Variants in CPPED1 observed in about 807,000 individuals in gnomAD.
CPPED1 encodes serine/threonine-protein phosphatase CPPED1.
CPPED1 carries 28 observed loss-of-function variants against 28.0 expected under a neutral mutation model. That is an observed-to-expected ratio of 1.00 (90% confidence interval 0.74 to 1.37). CPPED1 has a LOEUF of 1.37. CPPED1 is among the 40% of genes most tolerant of loss of function. The pLI is 0.00. For synonymous variants in CPPED1, 198 were observed against 180.2 expected (o/e 1.10, Z -0.79); for missense variants, 504 against 416.5 (o/e 1.21, Z -1.83).
At chr16:12,790,687 G>A (rs1002451432) in intron 1 of CPPED1, among the ~76,000 whole-genome samples, 2 of 152,072 alleles carry the variant, frequency 1.3e-5, no homozygotes, top group Non-Finnish European at 1.5e-5. Context: ...TTGGGAGGCC[G>A]AGTGGCGGGG....
At chr16:12,726,153 T>G (rs1333118382) in intron 2 of CPPED1, among the ~76,000 whole-genome samples, 1 of 151,620 alleles carries the variant, frequency 6.6e-6, no homozygotes, top group East Asian at 2.0e-4. Flanking sequence ...ACGATCCTCC[T>G]GCCTCAGCCT....
rs1232435844 is a variant in CPPED1, at chr16:12,664,433, G to A, written c.*453C>T. The stretch of plus-strand genomic sequence containing the variant: ...CTGGAAAGGAAAGGAGATGAACTTT[G>A]TTTTGCCTAGCGTTTTGGGAATCGT... On this transcript the variant is annotated 3_prime_UTR_variant, in exon 4 of 4. Coordinates refer to ENST00000381774, the MANE Select transcript of CPPED1 (RefSeq NM_018340.3). This position sits in a 1 kb window ranked among gnomAD's most constrained non-coding sequence, Gnocchi z 4.2. 9.9e-7 allele frequency: 1 copy of A among 1,009,110 alleles called. No individual in the cohort carries two copies. The highest frequency in any genetic ancestry group is 1.1e-4 in the East Asian group (1 of 9,002). The allele number at this position is 1,009,110 out of a possible 1,614,324, so 62.5% of individuals were successfully genotyped here.
At chr16:12,734,854 T>C (rs1442886733) in intron 2 of CPPED1, among the ~76,000 whole-genome samples, 1 of 151,960 alleles carries the variant, frequency 6.6e-6, no homozygotes, top group Non-Finnish European at 1.5e-5. Context: ...ACAATCCAAG[T>C]GCAAGCCTCG....
At chr16:12,763,512 C>T (rs1330384708) in intron 2 of CPPED1, among the ~76,000 whole-genome samples, 1 of 152,236 alleles carries the variant, frequency 6.6e-6, no homozygotes, top group Non-Finnish European at 1.5e-5. Flanking sequence ...TAGAAGTAAT[C>T]GTAGTTATTG....
At chr16:12,716,015 T>G (rs1164251528) in intron 2 of CPPED1, among the ~76,000 whole-genome samples, 1 of 152,220 alleles carries the variant, frequency 6.6e-6, no homozygotes, top group Non-Finnish European at 1.5e-5. Context: ...AAGGTAGTGA[T>G]TTTATGGTTT....
intron 2 of CPPED1, among the ~76,000 whole-genome samples, chr16:12,751,818 TG>T (rs1440370185): frequency 6.6e-6 from 1 of 152,236 alleles, no homozygotes; most frequent in Non-Finnish European, 1.5e-5. Context: ...CTATTTTTGG[TG>T]TTTTTTTATG....
intron 3 of CPPED1, among the ~76,000 whole-genome samples, chr16:12,699,656 G>A (rs2080009911): frequency 6.6e-6 from 1 of 151,816 alleles, no homozygotes; most frequent in African/African-American, 2.4e-5. Flanking sequence ...TCTTTAAAAG[G>A]GTATTTTATA....
At chr16:12,770,410 G>T (rs977440483) in intron 2 of CPPED1, among the ~76,000 whole-genome samples, 4 of 152,170 alleles carry the variant, frequency 2.6e-5, no homozygotes, top group Non-Finnish European at 4.4e-5. Context: ...TCCACAGAAC[G>T]CAATGCAGTT....
chr16:12,770,087 A>G (rs1370741945), intron 2 of CPPED1, among the ~76,000 whole-genome samples: 1 of 152,248 alleles, frequency 6.6e-6, no homozygotes, highest in East Asian at 1.9e-4. Flanking sequence ...TAGGCGGTGC[A>G]GGAACTTATT....
At chr16:12,705,476 G>T (rs1290011672) in intron 2 of CPPED1, among the ~76,000 whole-genome samples, 1 of 152,178 alleles carries the variant, frequency 6.6e-6, no homozygotes, top group East Asian at 1.9e-4. Flanking sequence ...AAGAAAATTA[G>T]GCTGGGCGTG....
At chr16:12,754,205 C>A (rs1200234864) in intron 2 of CPPED1, among the ~76,000 whole-genome samples, 1 of 152,208 alleles carries the variant, frequency 6.6e-6, no homozygotes, top group Non-Finnish European at 1.5e-5. Context: ...TTTAGAGGCT[C>A]TGTTTGATGA....
At chr16:12,699,681 A>T (rs868532138) in intron 3 of CPPED1, among the ~76,000 whole-genome samples, 1 of 152,160 alleles carries the variant, frequency 6.6e-6, no homozygotes. Flanking sequence ...CACAATTATC[A>T]TAATTAAAAG....
chr16:12,681,633 C>A (rs1246667812), intron 3 of CPPED1, among the ~76,000 whole-genome samples: 2 of 152,094 alleles, frequency 1.3e-5, no homozygotes, highest in African/African-American at 2.4e-5. Flanking sequence ...ACAGAAGTGG[C>A]CTAGAAAACA....
chr16:12,760,779 C>G (rs1399250388), intron 2 of CPPED1: 1 of 152,084 alleles, frequency 6.6e-6, no homozygotes, highest in Non-Finnish European at 1.5e-5. Flanking sequence ...GTCTATTAAA[C>G]AAAGAGAAGC....
At chr16:12,717,648 T>C (rs1376309216) in intron 2 of CPPED1, among the ~76,000 whole-genome samples, 1 of 151,890 alleles carries the variant, frequency 6.6e-6, no homozygotes, top group African/African-American at 2.4e-5. Context: ...ATAATAATAA[T>C]TATTATTTTT....
intron 2 of CPPED1, among the ~76,000 whole-genome samples, chr16:12,734,716 T>C (rs2141207542): frequency 6.6e-6 from 1 of 152,304 alleles, no homozygotes; most frequent in African/African-American, 2.4e-5. Context: ...GGCCTCAGGA[T>C]GTGGTTCCAC....
chr16:12,776,188 G>C (rs1380392835), intron 2 of CPPED1, among the ~76,000 whole-genome samples: 2 of 152,150 alleles, frequency 1.3e-5, no homozygotes, highest in African/African-American at 4.8e-5. Flanking sequence ...CGGGAGAAAA[G>C]GTGCAATGCT....
chr16:12,731,547 G>C (rs937879382), intron 2 of CPPED1, among the ~76,000 whole-genome samples: 1 of 151,960 alleles, frequency 6.6e-6, no homozygotes, highest in Non-Finnish European at 1.5e-5. Context: ...AAAGAAGCCA[G>C]GCAGAGCCCT....
intron 2 of CPPED1, among the ~76,000 whole-genome samples, chr16:12,764,256 T>G (rs1182979168): frequency 6.6e-6 from 1 of 151,656 alleles, no homozygotes; most frequent in Non-Finnish European, 1.5e-5. Context: ...CAGGCCAGAG[T>G]GCAGTGGTGC....
Sources: allele counts gnomAD v4.1 joint callset (sites outside exome capture counted in the v4.1 genomes callset), GRCh38; gene constraint gnomAD v4.1.1; non-coding constraint Gnocchi (gnomAD v3.1); transcripts MANE v1.5; gene names NCBI Gene and HGNC (gene_info 2026-07-23, HGNC 2026-07-21).